Variants in MCTP1 observed in about 807,000 individuals in gnomAD.
MCTP1 encodes multiple C2 and transmembrane domain containing 1, also known as multiple C2 and transmembrane domain-containing protein 1.
A neutral mutation model predicts 120.6 loss-of-function variants in MCTP1; 69 were observed. The ratio of observed to expected loss-of-function variants is 0.57; its 90% CI spans 0.47 to 0.70. The LOEUF is 0.70. MCTP1 is among the 30% of genes least tolerant of loss of function. The pLI is 0.00. For synonymous variants in MCTP1, 529 were observed against 493.1 expected (o/e 1.07, Z -0.96); for missense variants, 1,203 against 1,248.8 (o/e 0.96, Z 0.55).
intron 1 of MCTP1, among the ~76,000 whole-genome samples, chr5:95,165,760 T>C (rs1002110067): frequency 7.2e-5 from 11 of 152,198 alleles, no homozygotes; most frequent in Non-Finnish European, 1.5e-4. Flanking sequence ...GGGACTTGGT[T>C]TCTTACTTGC....
chr5:94,753,398 A>G lies in MCTP1; in HGVS notation c.2610+25712T>C, dbSNP rs144249838. On this transcript the variant is annotated intron_variant, in intron 19 of 22. Coordinates refer to ENST00000515393, the MANE Select transcript of MCTP1 (RefSeq NM_024717.7). The stretch of plus-strand genomic sequence containing the variant: ...GCCTTCCGCCTCTGGGGAATACTGC[A>G]GTATTCTTATAGGGAAAAGGAAGAA... 5.9e-3 allele frequency among the ~76,000 whole-genome samples: 905 copies of G among 152,348 alleles called. 6 individuals are homozygous for G. Among genetic ancestry groups the G allele is most frequent in the African/African-American group, 0.021 (877 of 41,580 alleles).
chr5:95,234,469 A>G (rs761532309), intron 1 of MCTP1, among the ~76,000 whole-genome samples: 16 of 152,136 alleles, frequency 1.1e-4, no homozygotes, highest in Admixed American at 9.2e-4. Context: ...TTCCTCACCT[A>G]TATAGTTCAG....
At chr5:94,810,152 T>G (rs1002676142) in intron 17 of MCTP1, among the ~76,000 whole-genome samples, 3 of 152,116 alleles carry the variant, frequency 2.0e-5, no homozygotes, top group Non-Finnish European at 2.9e-5. Context: ...TTAAGTATAT[T>G]TTACAGAAAT....
chr5:94,826,797 T>TTTTC, intron 17 of MCTP1: 1 of 302,200 alleles, frequency 3.3e-6, no homozygotes, highest in East Asian at 6.2e-5. Flanking sequence ...TTTTTTTTTT[T>TTTTC]TTTTTTTTTG....
At chr5:95,241,746 T>G (rs376033307) in intron 1 of MCTP1, among the ~76,000 whole-genome samples, 25 of 152,286 alleles carry the variant, frequency 1.6e-4, no homozygotes, top group African/African-American at 5.8e-4. Flanking sequence ...AAAACTCCAT[T>G]TACACTGGCA....
At chr5:95,276,708 G>A (rs566371161) in intron 1 of MCTP1, among the ~76,000 whole-genome samples, 31 of 151,800 alleles carry the variant, frequency 2.0e-4, no homozygotes, top group African/African-American at 6.8e-4. Context: ...CCAGCACTTT[G>A]GGAGGCGGCT....
At chr5:94,941,519 G>T (rs293037) in intron 4 of MCTP1, among the ~76,000 whole-genome samples, 4,888 of 152,082 alleles carry the variant, frequency 0.032, 122 homozygotes, top group East Asian at 0.093. Flanking sequence ...ATAGAAAGTA[G>T]TGATCTGGCT....
At chr5:95,149,315 A>G (rs539137354) in intron 1 of MCTP1, among the ~76,000 whole-genome samples, 3 of 152,286 alleles carry the variant, frequency 2.0e-5, no homozygotes, top group South Asian at 2.1e-4. Flanking sequence ...TCACCCCCTC[A>G]GTATTATAAG....
At position 94,940,181 on chromosome 5, in the gene MCTP1, G is replaced by T. The variant is rs1359592236; in HGVS notation, c.1076C>A (p.Thr359Asn). The T allele has an allele frequency of 2.5e-6, 4 of 1,596,632 alleles. No homozygotes were observed. In the South Asian group the frequency reaches 3.4e-5, roughly 14 times the overall value. ...ATAATGAGGATCTTTCAGAGTAAGGGTCACATCTGTGGGCCTGTGATAGAA... is the reference window on the plus strand; with the variant it reads ...ATAATGAGGATCTTTCAGAGTAAGGTTCACATCTGTGGGCCTGTGATAGAA... The part of the protein sequence containing the change: ...QLELNRPTDV[T>N]LTLKDPHYPD... The change falls in exon 5 of 23, where the codon ACC becomes AAC. Residue 359 changes from threonine (T) to asparagine (N), a missense_variant. This residue lies in a region of MCTP1 where 740 missense variants were observed against 871.1 expected (regional missense o/e 0.85). Transcript: ENST00000515393.
At chr5:95,046,365 C>T (rs1199806940) in intron 1 of MCTP1, among the ~76,000 whole-genome samples, 1 of 152,148 alleles carries the variant, frequency 6.6e-6, no homozygotes, top group Non-Finnish European at 1.5e-5. Context: ...CAGCTAATTT[C>T]ACAATTTGAC....
intron 1 of MCTP1, chr5:95,038,201 A>T: frequency 1.5e-6 from 1 of 659,104 alleles, no homozygotes; most frequent in Non-Finnish European, 1.9e-6. Context: ...AAACATGAAC[A>T]TGGAATTAAT....
intron 1 of MCTP1, among the ~76,000 whole-genome samples, chr5:95,080,136 C>T (rs1000870654): frequency 1.3e-5 from 2 of 152,124 alleles, no homozygotes; most frequent in Non-Finnish European, 1.5e-5. Context: ...AAACAATCTA[C>T]CACACCACCT....
chr5:95,072,062 T>C (rs1369111612), intron 1 of MCTP1, among the ~76,000 whole-genome samples: 3 of 149,480 alleles, frequency 2.0e-5, no homozygotes, highest in Non-Finnish European at 1.5e-5. Context: ...GATTCTAATA[T>C]GAAACAATGC....
intron 18 of MCTP1, chr5:94,789,571 C>G (rs922030056): frequency 2.6e-5 from 4 of 152,296 alleles, no homozygotes; most frequent in African/African-American, 9.6e-5. Flanking sequence ...AAGCAACAGA[C>G]TGAGGCGTGA....
chr5:95,049,189 A>G (rs1043501086), intron 1 of MCTP1, among the ~76,000 whole-genome samples: 3 of 152,078 alleles, frequency 2.0e-5, no homozygotes, highest in African/African-American at 7.2e-5. Context: ...TCTAAACATC[A>G]TCTTCTTTGT....
At chr5:95,072,946 C>T (rs529029072) in intron 1 of MCTP1, among the ~76,000 whole-genome samples, 7 of 151,992 alleles carry the variant, frequency 4.6e-5, no homozygotes, top group Admixed American at 1.3e-4. Flanking sequence ...GAGGTTTCAC[C>T]GTGTTAGCCA....
At chr5:94,723,958 C>T (rs530082428) in intron 19 of MCTP1, among the ~76,000 whole-genome samples, 15 of 151,754 alleles carry the variant, frequency 9.9e-5, no homozygotes, top group African/African-American at 3.4e-4. Context: ...GAGGAAAACA[C>T]GGAAAGAGAT....
At chr5:95,270,018 T>C (rs1184808470) in intron 1 of MCTP1, among the ~76,000 whole-genome samples, 1 of 152,202 alleles carries the variant, frequency 6.6e-6, no homozygotes, top group Non-Finnish European at 1.5e-5. Flanking sequence ...AGAAATAAGA[T>C]GAGGCTATAG....
rs548468337 is a variant in MCTP1 at position 95,034,751 on chromosome 5, G to A, written c.721-17267C>T. 4.9e-4 allele frequency among the ~76,000 whole-genome samples: 74 copies of A among 151,812 alleles called. 2 individuals are homozygous for A. In the Middle Eastern group the frequency reaches 0.014, roughly 28 times the overall value. On this transcript the variant is annotated intron_variant, in intron 1 of 22. Transcript: ENST00000515393. ...GACTTAAGCTAAAGAGCTTCTGTACGGCAAAAGAAACAGTCAACAGAGTAG... is the reference window on the plus strand; with the variant it reads ...GACTTAAGCTAAAGAGCTTCTGTACAGCAAAAGAAACAGTCAACAGAGTAG...
Sources: allele counts gnomAD v4.1 joint callset (sites outside exome capture counted in the v4.1 genomes callset), GRCh38; gene constraint gnomAD v4.1.1; regional missense constraint gnomAD v4.1.1; transcripts MANE v1.5; gene names NCBI Gene and HGNC (gene_info 2026-07-23, HGNC 2026-07-21).